The following FRMPD2 variants were observed in gnomAD, a reference collection of about 807,000 sequenced individuals.
The protein encoded by FRMPD2 is FERM and PDZ domain containing 2.
Under a neutral mutation model 140.1 loss-of-function variants are expected in FRMPD2, and 96 were observed. That is an observed-to-expected ratio of 0.69 (90% confidence interval 0.58 to 0.81). The LOEUF (loss-of-function observed/expected upper bound fraction) is 0.81, where lower values mean the gene tolerates loss of function less well. Among genes scored for constraint, FRMPD2 ranks in the 40% least tolerant of loss-of-function variants. The pLI is 0.00. For synonymous variants in FRMPD2, 449 were observed against 547.6 expected, an observed-to-expected ratio of 0.82 and a Z score of 2.52; for missense variants, 1,240 against 1,447.4, an observed-to-expected ratio of 0.86 and a Z score of 2.32.
At chr10:48,240,826 T>C (rs1840089001) in intron 5 of FRMPD2, among the ~76,000 whole-genome samples, 1 of 152,226 alleles carries the variant, frequency 6.6e-6, no homozygotes, top group Non-Finnish European at 1.5e-5. Context: ...TCTCTACCTC[T>C]GCCGTCTGAT....
intron 2 of FRMPD2, among the ~76,000 whole-genome samples, chr10:48,249,440 G>C (rs1840326279): frequency 1.3e-5 from 2 of 152,238 alleles, no homozygotes; most frequent in Admixed American, 6.5e-5. Flanking sequence ...AAAAGGTAAA[G>C]AGAGGGTCAG....
At chr10:48,237,916 A>G (rs940337948) in intron 8 of FRMPD2, 75 bp downstream of exon 8, 1 of 1,563,670 alleles carries the variant, frequency 6.4e-7, no homozygotes, top group Non-Finnish European at 8.8e-7. Context: ...GCCCATTTTC[A>G]GCCACCGTGC....
Position 48,223,289 on chromosome 10 carries a change from A to T in FRMPD2, c.1169-19T>A. 3.1e-6 allele frequency: 5 copies of T among 1,606,022 alleles called. No homozygotes were observed. Among genetic ancestry groups the T allele is most frequent in the African/African-American group, 1.3e-5 (1 of 74,968 alleles). On this transcript the variant is annotated intron_variant, in intron 10 of 28. Coordinates refer to ENST00000374201, the MANE Select transcript of FRMPD2 (RefSeq NM_001018071.4). ...TCTTTGCCTGAAATGGAAATAGAGC[A>T]TGTGTGGAAGGAGAAGCAGTAGGGA...
chr10:48,220,614 T>G (rs1839561575), intron 12 of FRMPD2, among the ~76,000 whole-genome samples: 1 of 152,164 alleles, frequency 6.6e-6, no homozygotes, highest in African/African-American at 2.4e-5. Flanking sequence ...AAAAAGCTTC[T>G]GCACAGCAAA....
At chr10:48,188,344 G>A (rs185727702) in intron 16 of FRMPD2, among the ~76,000 whole-genome samples, 3 of 152,204 alleles carry the variant, frequency 2.0e-5, no homozygotes, top group Non-Finnish European at 2.9e-5. Flanking sequence ...AACAGGGGCG[G>A]TGGGGGGAGG....
At chr10:48,251,800 A>G (rs755681803) in intron 1 of FRMPD2, 109 bp from the exon 2 acceptor site, 14 of 1,312,036 alleles carry the variant, frequency 1.1e-5, no homozygotes, top group Non-Finnish European at 1.5e-5. Flanking sequence ...ACTACTGCAC[A>G]CCGGCACTGT....
intron 14 of FRMPD2, among the ~76,000 whole-genome samples, chr10:48,202,099 T>C (rs910593421): frequency 2.0e-5 from 3 of 152,064 alleles, no homozygotes; most frequent in Non-Finnish European, 2.9e-5. Context: ...GCTACCTGTA[T>C]AGAGCCTTAT....
intron 1 of FRMPD2, among the ~76,000 whole-genome samples, chr10:48,270,868 C>A (rs1840755018): frequency 6.6e-6 from 1 of 152,150 alleles, no homozygotes; most frequent in Non-Finnish European, 1.5e-5. Flanking sequence ...CCGCCTGTTT[C>A]TCTCCAACCC....
chr10:48,203,869 C>G (rs1324142025), intron 14 of FRMPD2, among the ~76,000 whole-genome samples: 1 of 152,186 alleles, frequency 6.6e-6, no homozygotes, highest in Non-Finnish European at 1.5e-5. Context: ...ACACACCCTC[C>G]TTGCCACGTC....
At chr10:48,234,381 C>G (rs1237692043) in intron 9 of FRMPD2, among the ~76,000 whole-genome samples, 1 of 152,218 alleles carries the variant, frequency 6.6e-6, no homozygotes, top group Non-Finnish European at 1.5e-5. Flanking sequence ...AGGGTGCTGC[C>G]TCTTCATGTT....
chr10:48,244,639 T>A, intron 4 of FRMPD2, 145 bp downstream of exon 4: 1 of 630,732 alleles, frequency 1.6e-6, no homozygotes, highest in Non-Finnish European at 2.9e-6. Flanking sequence ...AGTTGTGTGA[T>A]AAGTTCTCAA....
chr10:48,270,447 T>G (rs569062490), intron 1 of FRMPD2, among the ~76,000 whole-genome samples: 3 of 152,214 alleles, frequency 2.0e-5, no homozygotes, highest in African/African-American at 7.2e-5. Context: ...AAGATGTATA[T>G]TCAAAGATAT....
intron 9 of FRMPD2, among the ~76,000 whole-genome samples, chr10:48,233,910 AAG>A (rs1839908888): frequency 6.6e-6 from 1 of 152,154 alleles, no homozygotes; most frequent in Non-Finnish European, 1.5e-5. Context: ...ACACGCACCC[AAG>A]GCATGTCAGA....
Position 48,238,009 on chromosome 10 carries a change from A to G in FRMPD2, c.903T>C (p.Phe301=). The G allele has an allele frequency of 1.2e-6, 2 of 1,614,188 alleles. 1 individual carries two copies. The highest frequency in any genetic ancestry group is 2.2e-5 in the South Asian group (2 of 91,082). Residue 301 remains phenylalanine (F), a synonymous_variant, in exon 8 of 29, where the codon TTT becomes TTC. Coordinates refer to ENST00000374201, the MANE Select transcript of FRMPD2 (RefSeq NM_001018071.4). ...SWPTTPSQRG[F]LQRRSKFSRP... ...TGCTTACCTTGCTCCTTCTTTGCAG[A>G]AAACCCCTCTGAGAAGGAGTTGTTG...
intron 21 of FRMPD2, among the ~76,000 whole-genome samples, chr10:48,178,519 G>A (rs1554792369): frequency 3.3e-5 from 5 of 152,142 alleles, no homozygotes; most frequent in African/African-American, 9.7e-5. Context: ...CAGGAAAATA[G>A]ACAAGCTGGA....
At chr10:48,203,774 C>T (rs905588002) in intron 14 of FRMPD2, among the ~76,000 whole-genome samples, 2 of 152,164 alleles carry the variant, frequency 1.3e-5, no homozygotes, top group South Asian at 2.1e-4. Context: ...GGAGCCCTGG[C>T]AATGCATTCA....
chr10:48,211,932 CT>C (rs760052808), intron 13 of FRMPD2, 21 bp downstream of exon 13: 1 of 1,609,604 alleles, frequency 6.2e-7, no homozygotes, highest in South Asian at 1.1e-5. Context: ...CAACACCTCT[CT>C]CCAGGTCAGG....
chr10:48,187,463 G>A (rs755347300), intron 16 of FRMPD2, among the ~76,000 whole-genome samples, 171 bp from the exon 17 acceptor site: 5 of 152,154 alleles, frequency 3.3e-5, no homozygotes, highest in South Asian at 2.1e-4. Flanking sequence ...GGACCCCATC[G>A]AGGGCTGATC....
chr10:48,190,060 G>A (rs1186275285), intron 16 of FRMPD2, among the ~76,000 whole-genome samples: 4 of 152,120 alleles, frequency 2.6e-5, no homozygotes, highest in Non-Finnish European at 4.4e-5. Context: ...TCCATGATGC[G>A]GGGCTTGATC....
Sources: allele counts gnomAD v4.1 joint callset (sites outside exome capture counted in the v4.1 genomes callset), GRCh38; gene constraint gnomAD v4.1.1; transcripts MANE v1.5; gene names NCBI Gene and HGNC (gene_info 2026-07-23, HGNC 2026-07-21).